The following KDM4C variants were observed in gnomAD, a reference collection of about 807,000 sequenced individuals.
KDM4C encodes the protein lysine demethylase 4C.
A neutral mutation model predicts 129.3 loss-of-function variants in KDM4C; 81 were observed. The ratio of observed to expected loss-of-function variants is 0.63; its 90% CI spans 0.52 to 0.75. The LOEUF (loss-of-function observed/expected upper bound fraction) is 0.75. Ranked by LOEUF, KDM4C falls within the 30% of genes least tolerant of loss-of-function variation. KDM4C has a pLI of 0.00. For missense variants in KDM4C, 1,457 were observed against 1,304.0 expected, an observed-to-expected ratio of 1.12 and a Z score of -1.81; for synonymous variants, 573 against 456.1, an observed-to-expected ratio of 1.26 and a Z score of -3.26.
At chr9:7,109,727 T>C (rs1322047715) in intron 18 of KDM4C, among the ~76,000 whole-genome samples, 2 of 152,196 alleles carry the variant, frequency 1.3e-5, no homozygotes, top group Non-Finnish European at 2.9e-5. Context: ...ACCAAAATTT[T>C]CTTCTTGATG....
intron 17 of KDM4C, 100 bp from the exon 18 acceptor site, chr9:7,103,585 T>C: frequency 1.1e-6 from 1 of 885,320 alleles, no homozygotes; most frequent in Non-Finnish European, 1.7e-6. Context: ...CAGTTGTTTT[T>C]TTTTTTTTTT....
intron 11 of KDM4C, among the ~76,000 whole-genome samples, chr9:6,989,894 C>A (rs1218805413): frequency 6.6e-6 from 1 of 152,000 alleles, no homozygotes; most frequent in Non-Finnish European, 1.5e-5. Context: ...CCCACCTTAG[C>A]CTCCTGAGGA....
chr9:6,722,268 G>C (rs1036356149), intron 1 of KDM4C, among the ~76,000 whole-genome samples: 1 of 152,156 alleles, frequency 6.6e-6, no homozygotes, highest in Non-Finnish European at 1.5e-5. Context: ...AGTGAATTGG[G>C]AGGATTCAGT....
intron 2 of KDM4C, among the ~76,000 whole-genome samples, chr9:6,804,353 A>C (rs569183222): frequency 6.6e-6 from 1 of 152,170 alleles, no homozygotes. Context: ...TATGCCATGG[A>C]CACAGGTAAA....
chr9:7,116,094 G>A (rs1269069166), intron 18 of KDM4C, among the ~76,000 whole-genome samples: 2 of 152,096 alleles, frequency 1.3e-5, no homozygotes, highest in Admixed American at 6.6e-5. Context: ...TATCATTTTG[G>A]CTCTCTTAGC....
chr9:6,990,164 C>T (rs1818467275), intron 11 of KDM4C, among the ~76,000 whole-genome samples: 1 of 152,052 alleles, frequency 6.6e-6, no homozygotes. Flanking sequence ...GCCTACCCTG[C>T]CCTACAGCTT....
At chr9:7,138,932 G>A (rs540267758) in intron 19 of KDM4C, among the ~76,000 whole-genome samples, 1 of 152,126 alleles carries the variant, frequency 6.6e-6, no homozygotes, top group African/African-American at 2.4e-5. Flanking sequence ...ATATTTGTAG[G>A]TTATGTTTTT....
intron 1 of KDM4C, among the ~76,000 whole-genome samples, chr9:6,774,048 TG>T (rs2130665200): frequency 6.6e-6 from 1 of 152,098 alleles, no homozygotes; most frequent in African/African-American, 2.4e-5. Flanking sequence ...CCACTATACC[TG>T]GTTAATTTTT....
At chr9:6,869,525 C>T (rs1047693278) in intron 5 of KDM4C, among the ~76,000 whole-genome samples, 1 of 152,214 alleles carries the variant, frequency 6.6e-6, no homozygotes, top group Non-Finnish European at 1.5e-5. Flanking sequence ...AGGAATAATA[C>T]TGCTCACAGT....
intron 19 of KDM4C, among the ~76,000 whole-genome samples, chr9:7,150,821 T>C (rs1057217366): frequency 6.6e-6 from 1 of 152,214 alleles, no homozygotes; most frequent in Non-Finnish European, 1.5e-5. Context: ...TTCTAGGCCT[T>C]TTAAGGTTTT....
chr9:6,961,345 A>G (rs1830017507), intron 8 of KDM4C, among the ~76,000 whole-genome samples: 1 of 152,158 alleles, frequency 6.6e-6, no homozygotes, highest in South Asian at 2.1e-4. Flanking sequence ...GAAGAACCAT[A>G]TTACATCCAG....
chr9:7,105,348 C>A, intron 18 of KDM4C: 1 of 439,970 alleles, frequency 2.3e-6, no homozygotes, highest in Non-Finnish European at 4.8e-6. Context: ...ATTTCTGAGC[C>A]TCAGCTTCCT....
intron 8 of KDM4C, among the ~76,000 whole-genome samples, chr9:6,968,358 C>A (rs1231114176): frequency 6.6e-6 from 1 of 151,940 alleles, no homozygotes; most frequent in Non-Finnish European, 1.5e-5. Flanking sequence ...AATTACTTGC[C>A]ATTGAGGAAA....
rs949187997 is a variant in KDM4C, at chr9:7,060,288, C to T, written c.2424+11088C>T. Among the ~76,000 whole-genome samples, 3 of 150,806 alleles carry T rather than the reference C, an allele frequency of 2.0e-5. No homozygotes were observed. The East Asian group carries it at 5.8e-4, about 29-fold the overall frequency. On this transcript the variant is annotated intron_variant, in intron 17 of 21. Transcript: ENST00000381309. ...GAGAGGGACAGCTATTGCATACTGT[C>T]TGTGTACCTTGTTACATATTTGAGT...
intron 1 of KDM4C, among the ~76,000 whole-genome samples, chr9:6,748,527 TTTA>T (rs1193719592): frequency 6.6e-6 from 1 of 150,562 alleles, no homozygotes; most frequent in African/African-American, 2.4e-5. Context: ...AAAAAAAAGA[TTTA>T]TTATTATTAT....
intron 15 of KDM4C, among the ~76,000 whole-genome samples, chr9:7,020,601 A>G (rs1824625786): frequency 6.6e-6 from 1 of 152,198 alleles, no homozygotes; most frequent in Non-Finnish European, 1.5e-5. Flanking sequence ...AATACTCTTG[A>G]TATTAGTATC....
intron 8 of KDM4C, among the ~76,000 whole-genome samples, chr9:6,966,953 T>C (rs1444643309): frequency 6.6e-6 from 1 of 152,118 alleles, no homozygotes. Flanking sequence ...CTCGTTAAAG[T>C]TAAAAACTGC....
chr9:6,848,187 C>G (rs985797871), intron 4 of KDM4C, among the ~76,000 whole-genome samples: 2 of 152,164 alleles, frequency 1.3e-5, no homozygotes, highest in African/African-American at 4.8e-5. Context: ...AGCCACTGCA[C>G]CTGGCCAATG....
At chr9:6,844,528 C>T (rs1308345891) in intron 4 of KDM4C, among the ~76,000 whole-genome samples, 1 of 152,206 alleles carries the variant, frequency 6.6e-6, no homozygotes, top group Non-Finnish European at 1.5e-5. Context: ...GTTATACAAA[C>T]AAGCTTCCGT....
Sources: allele counts gnomAD v4.1 joint callset (sites outside exome capture counted in the v4.1 genomes callset), GRCh38; gene constraint gnomAD v4.1.1; transcripts MANE v1.5; gene names NCBI Gene and HGNC (gene_info 2026-07-23, HGNC 2026-07-21).